Variants in ARHGEF28 observed in about 807,000 individuals in gnomAD.
ARHGEF28 encodes the protein Rho guanine nucleotide exchange factor 28.
In ARHGEF28, 152 loss-of-function variants were observed where a neutral mutation model predicts 206.6. That is an observed-to-expected ratio of 0.74 (90% confidence interval 0.64 to 0.84). The LOEUF is 0.84. ARHGEF28 is among the 40% of genes least tolerant of loss of function. The probability of loss-of-function intolerance (pLI) is 0.00; values close to 1 mark genes in which losing one functional copy is unlikely to be tolerated. For missense variants in ARHGEF28, 2,028 were observed against 2,073.2 expected (o/e 0.98, Z 0.42); for synonymous variants, 763 against 776.4 (o/e 0.98, Z 0.29).
At chr5:73,641,319 C>T (rs1744078592) in intron 1 of ARHGEF28, among the ~76,000 whole-genome samples, 1 of 151,748 alleles carries the variant, frequency 6.6e-6, no homozygotes, top group Non-Finnish European at 1.5e-5. Flanking sequence ...GCATTAGTCT[C>T]TTCTAATCCT....
chr5:73,931,033 T>C (rs1029756482), intron 35 of ARHGEF28, among the ~76,000 whole-genome samples: 7 of 152,244 alleles, frequency 4.6e-5, no homozygotes, highest in African/African-American at 1.4e-4. Flanking sequence ...AGAAAAAGTC[T>C]GATTAAAGGA....
intron 7 of ARHGEF28, among the ~76,000 whole-genome samples, chr5:73,787,217 C>A (rs1006977319): frequency 9.2e-5 from 14 of 152,148 alleles, no homozygotes; most frequent in African/African-American, 3.4e-4. Flanking sequence ...CTAGGCAGGC[C>A]GTTCTGCAGA....
At chr5:73,809,391 G>A (rs1023766515) in intron 9 of ARHGEF28, among the ~76,000 whole-genome samples, 1 of 152,012 alleles carries the variant, frequency 6.6e-6, no homozygotes, top group African/African-American at 2.4e-5. Flanking sequence ...GATTCCATTC[G>A]CTATGAGACA....
At chr5:73,781,231 A>G (rs1194734529) in intron 7 of ARHGEF28, among the ~76,000 whole-genome samples, 1 of 152,170 alleles carries the variant, frequency 6.6e-6, no homozygotes, top group Non-Finnish European at 1.5e-5. Flanking sequence ...CTGGATGTTC[A>G]TCAAGATACA....
chr5:73,857,573 AC>A, intron 14 of ARHGEF28, 82 bp from the exon 15 acceptor site: 1 of 1,377,030 alleles, frequency 7.3e-7, no homozygotes, highest in Admixed American at 2.4e-5. Context: ...GTACACACAC[AC>A]ACACACACAC....
At chr5:73,893,423 G>A (rs1013287496) in intron 28 of ARHGEF28, 135 bp downstream of exon 28, 18 of 510,174 alleles carry the variant, frequency 3.5e-5, no homozygotes, top group South Asian at 1.2e-4. Flanking sequence ...CCACCCTCCC[G>A]AGAAACTTAC....
chr5:73,871,301 T>C (rs1760091137), intron 21 of ARHGEF28, among the ~76,000 whole-genome samples: 1 of 152,172 alleles, frequency 6.6e-6, no homozygotes, highest in African/African-American at 2.4e-5. Context: ...ATTTTCTGGG[T>C]CATAATGTAT....
At chr5:73,791,652 T>A (rs921209371) in intron 7 of ARHGEF28, among the ~76,000 whole-genome samples, 3 of 152,156 alleles carry the variant, frequency 2.0e-5, no homozygotes, top group African/African-American at 4.8e-5. Context: ...AGAGGTGAGT[T>A]TTTTAGGCGA....
At chr5:73,907,834 T>C (rs1762637514) in intron 33 of ARHGEF28, among the ~76,000 whole-genome samples, 1 of 152,194 alleles carries the variant, frequency 6.6e-6, no homozygotes, top group Non-Finnish European at 1.5e-5. Context: ...TTATCCCAAA[T>C]GTTAGATAGA....
In ARHGEF28 at chr5:73,846,350, CAGAGCTCCT is replaced by C; in HGVS notation, c.1511_1519del (p.Gln504_Ser507delinsPro). 1 of 1,613,894 alleles carries C rather than the reference CAGAGCTCCT, an allele frequency of 6.2e-7. No individual in the cohort carries two copies. Among genetic ancestry groups the C allele is most frequent in the Non-Finnish European group, 8.5e-7 (1 of 1,179,836 alleles). ...CCACATCTGTTACACTCCAGGGTCT[CAGAGCTCCT>C]CAAGAACTGGGATTCCTAGTGGGGA... On this transcript the variant is annotated inframe_deletion, in exon 12 of 36. Transcript: ENST00000513042.
chr5:73,877,819 T>G (rs1029131908), intron 22 of ARHGEF28, among the ~76,000 whole-genome samples: 8 of 152,258 alleles, frequency 5.3e-5, no homozygotes, highest in South Asian at 4.2e-4. Flanking sequence ...TTTTACATTT[T>G]CTGAGGAGAG....
At chr5:73,729,640 A>G (rs1355055435) in intron 2 of ARHGEF28, among the ~76,000 whole-genome samples, 2 of 152,182 alleles carry the variant, frequency 1.3e-5, no homozygotes, top group Non-Finnish European at 2.9e-5. Flanking sequence ...AGATTTCTCA[A>G]GTTTATTTAG....
At chr5:73,826,630 G>A (rs1756923014) in intron 9 of ARHGEF28, among the ~76,000 whole-genome samples, 1 of 152,198 alleles carries the variant, frequency 6.6e-6, no homozygotes, top group African/African-American at 2.4e-5. Flanking sequence ...GAAATCAGTT[G>A]AAGAAGCCCT....
At chr5:73,761,648 C>T (rs2112423074) in intron 4 of ARHGEF28, among the ~76,000 whole-genome samples, 2 of 152,238 alleles carry the variant, frequency 1.3e-5, no homozygotes, top group South Asian at 4.1e-4. Context: ...TGTAATCCTA[C>T]CCTAGGTCCC....
chr5:73,884,095 C>T (rs1395182889), intron 24 of ARHGEF28, among the ~76,000 whole-genome samples: 1 of 152,118 alleles, frequency 6.6e-6, no homozygotes, highest in Non-Finnish European at 1.5e-5. Flanking sequence ...CTACAGGTAG[C>T]CCAAACCAAG....
At chr5:73,938,183 C>CACACACAT (rs1764527870) in intron 35 of ARHGEF28, among the ~76,000 whole-genome samples, 1 of 147,302 alleles carries the variant, frequency 6.8e-6, no homozygotes, top group East Asian at 1.9e-4. Context: ...CACACACACA[C>CACACACAT]ACACACACAC....
At chr5:73,905,705 T>A (rs1019788483) in intron 33 of ARHGEF28, among the ~76,000 whole-genome samples, 3 of 152,220 alleles carry the variant, frequency 2.0e-5, no homozygotes, top group African/African-American at 4.8e-5. Flanking sequence ...CAATCCCTTA[T>A]TGTTTACACT....
rs180699405 is a variant in ARHGEF28 at position 73,637,013 on chromosome 5, T to C, written c.-12+10691T>C. 3.3e-3 allele frequency among the ~76,000 whole-genome samples: 499 copies of C among 152,314 alleles called. 1 individual carries two copies. The highest frequency in any genetic ancestry group is 4.9e-3 in the Non-Finnish European group (335 of 68,030). ...AGAAATGGTTGCAAATACTTTGAGA[T>C]TACCCTGTCATGGCAGCTCATGTTA... On this transcript the variant is annotated intron_variant, in intron 1 of 35. Coordinates refer to ENST00000513042, the MANE Select transcript of ARHGEF28 (RefSeq NM_001177693.2).
chr5:73,662,190 G>A (rs1243471431), intron 1 of ARHGEF28, among the ~76,000 whole-genome samples: 1 of 152,108 alleles, frequency 6.6e-6, no homozygotes. Flanking sequence ...GGCGTTTACT[G>A]ACTTACATTC....
Sources: gnomAD v4.1 joint callset for allele counts (sites outside exome capture counted in the v4.1 genomes callset) on GRCh38, gnomAD v4.1.1 for gene constraint, MANE v1.5 for transcripts, NCBI Gene and HGNC (gene_info 2026-07-23, HGNC 2026-07-21) for gene names.